Variants in NCOR2 observed in about 807,000 individuals in gnomAD.
The protein encoded by NCOR2 is CTG repeat protein 26.
In NCOR2, 81 loss-of-function variants were observed where a neutral mutation model predicts 262.9. That is an observed-to-expected ratio of 0.31 (90% confidence interval 0.26 to 0.37). The LOEUF is 0.37. Among genes scored for constraint, NCOR2 ranks in the 10% least tolerant of loss-of-function variants. The pLI is 1.00. For missense variants in NCOR2, 3,385 were observed against 3,621.4 expected (o/e 0.93, Z 1.68); for synonymous variants, 1,659 against 1,559.3 (o/e 1.06, Z -1.51).
chr12:124,459,170 A>T (rs2046034601), intron 5 of NCOR2, among the ~76,000 whole-genome samples: 1 of 152,094 alleles, frequency 6.6e-6, no homozygotes, highest in Admixed American at 6.5e-5. Flanking sequence ...GATGAATAGG[A>T]GTTTGTGTAT....
intron 7 of NCOR2, among the ~76,000 whole-genome samples, chr12:124,441,789 G>A (rs927945879): frequency 4.6e-5 from 7 of 152,188 alleles, no homozygotes; most frequent in Non-Finnish European, 8.8e-5. Flanking sequence ...AGGCGACAGC[G>A]GAGACCTAGG....
intron 1 of NCOR2, among the ~76,000 whole-genome samples, chr12:124,493,499 G>C (rs2048206388): frequency 1.3e-5 from 2 of 152,292 alleles, no homozygotes; most frequent in South Asian, 4.1e-4. Context: ...CCACTTTATG[G>C]GTGACAAAAC....
chr12:124,438,025 C>T (rs768591491), intron 7 of NCOR2, 29 bp from the exon 10 acceptor site: 8 of 1,594,356 alleles, frequency 5.0e-6, no homozygotes, highest in South Asian at 4.5e-5. Context: ...GCAGACAGGT[C>T]AGCCCGGCCG....
chr12:124,499,957 G>C (rs151070988), upstream of NCOR2, among the ~76,000 whole-genome samples: 435 of 152,214 alleles, frequency 2.9e-3, 5 homozygotes, highest in African/African-American at 1.0e-2. Flanking sequence ...AGTCAGGAGG[G>C]AGGCTGACTC....
chr12:124,519,089 T>TACACACACACAC (rs57438929), intron 1 of NCOR2, among the ~76,000 whole-genome samples: 18 of 97,314 alleles, frequency 1.8e-4, no homozygotes, highest in East Asian at 1.0e-3. Flanking sequence ...GGCCAAATAA[T>TACACACACACAC]ACACACACAC....
At chr12:124,388,775 A>C (rs1418226144) in intron 16 of NCOR2, 15 of 1,303,202 alleles carry the variant, frequency 1.2e-5, no homozygotes, top group Non-Finnish European at 1.5e-5. Flanking sequence ...GTGGGCCGGC[A>C]GGCTGGGCGG....
intron 31 of NCOR2, 46 bp from the exon 34 acceptor site, chr12:124,344,997 C>A: frequency 6.9e-7 from 1 of 1,440,800 alleles, no homozygotes; most frequent in Non-Finnish European, 9.2e-7. Flanking sequence ...ACAGCCATAG[C>A]CCAGACCAGC....
At chr12:124,516,250 C>T (rs2049767800) in intron 1 of NCOR2, among the ~76,000 whole-genome samples, 1 of 152,178 alleles carries the variant, frequency 6.6e-6, no homozygotes, top group Non-Finnish European at 1.5e-5. Context: ...AGGACGGCTG[C>T]CACCTTCTGC....
At chr12:124,455,699 C>G (rs2045810451) in intron 6 of NCOR2, among the ~76,000 whole-genome samples, 1 of 152,220 alleles carries the variant, frequency 6.6e-6, no homozygotes, top group Admixed American at 6.5e-5. Flanking sequence ...CTAGGTGAGC[C>G]TTTAACAGGC....
chr12:124,386,897 T>C (rs746569319), intron 16 of NCOR2, among the ~76,000 whole-genome samples: 1 of 152,350 alleles, frequency 6.6e-6, no homozygotes, highest in Non-Finnish European at 1.5e-5. Context: ...AGCCAGTCCA[T>C]GCAGGTAGGG....
At chr12:124,490,406 CCAGATGGA>C in intron 1 of NCOR2, among the ~76,000 whole-genome samples, 1 of 118,732 alleles carries the variant, frequency 8.4e-6, no homozygotes, top group Non-Finnish European at 1.8e-5. Context: ...TAAGTATTTG[CCAGATGGA>C]TGGATGGATG....
At chr12:124,422,623 C>T (rs1472085944) in intron 11 of NCOR2, 68 bp from the exon 14 acceptor site, 2 of 1,586,082 alleles carry the variant, frequency 1.3e-6, no homozygotes, top group East Asian at 2.3e-5. Context: ...AGCCGATCGG[C>T]TCCCAGGCGC....
intron 1 of NCOR2, among the ~76,000 whole-genome samples, chr12:124,493,964 GC>G (rs1329172720): frequency 6.6e-6 from 1 of 152,112 alleles, no homozygotes; most frequent in Non-Finnish European, 1.5e-5. Flanking sequence ...CTTTCACAGG[GC>G]CGCCCAGGAG....
intron 1 of NCOR2, among the ~76,000 whole-genome samples, chr12:124,524,116 A>G (rs907120450): frequency 6.6e-6 from 1 of 152,244 alleles, no homozygotes; most frequent in African/African-American, 2.4e-5. Flanking sequence ...TTTAAAAGTC[A>G]CTGCTAAGAA....
intron 13 of NCOR2, among the ~76,000 whole-genome samples, chr12:124,419,294 G>C (rs2043083310): frequency 1.3e-5 from 2 of 152,056 alleles, no homozygotes; most frequent in African/African-American, 2.4e-5. Context: ...TACACTTTTG[G>C]TCACAACCAT....
intron 27 of NCOR2, 139 bp from the exon 30 acceptor site, chr12:124,350,876 G>GTA: frequency 2.2e-6 from 2 of 903,040 alleles, no homozygotes; most frequent in Non-Finnish European, 3.2e-6. Context: ...TCTCAAATAG[G>GTA]TAAGAGTTTG....
Position 124,400,677 on chromosome 12 carries a change from C to T in NCOR2, c.1641-4G>A, listed in dbSNP as rs779860514. 5.6e-6 allele frequency: 9 copies of T among 1,613,806 alleles called. No homozygotes were observed. The highest frequency in any genetic ancestry group is 2.2e-5 in the East Asian group (1 of 44,860). On this transcript the variant is annotated splice_polypyrimidine_tract_variant and splice_region_variant and intron_variant, in intron 14 of 46. Transcript: ENST00000405201. ...TGAGGTGTCGTCTGTCTTCTCCCTA[C>T]AGGCCAGAGAGGGGAGATAGGATGG...
At chr12:124,372,219 G>C (rs544420996) in exon 20 of NCOR2, 2 of 1,601,580 alleles carry the variant, frequency 1.2e-6, no homozygotes, top group Non-Finnish European at 1.7e-6. Flanking sequence ...GCCCCTCCTC[G>C]GCTTCCTCCG....
Position 124,483,981 on chromosome 12 carries a change from C to A in NCOR2, c.234-208G>T, listed in dbSNP as rs926856486. On this transcript the variant is annotated intron_variant, in intron 2 of 46. Transcript: ENST00000405201. The surrounding 1 kb of genome is among the most constrained non-coding windows in gnomAD (Gnocchi z 6.3). ...CTGCCTTCCTTCAGGTCCACATTCACCGAGGACATTTACAGGGAGGGAGTG... is the reference window on the plus strand; with the variant it reads ...CTGCCTTCCTTCAGGTCCACATTCAACGAGGACATTTACAGGGAGGGAGTG... Among the ~76,000 whole-genome samples, 1 of 152,168 alleles carries A rather than the reference C, an allele frequency of 6.6e-6. No homozygotes were observed. The highest frequency in any genetic ancestry group is 6.5e-5 in the Admixed American group (1 of 15,282).
Sources: allele counts gnomAD v4.1 joint callset (sites outside exome capture counted in the v4.1 genomes callset), GRCh38; gene constraint gnomAD v4.1.1; non-coding constraint Gnocchi (gnomAD v3.1); transcripts MANE v1.5; gene names NCBI Gene and HGNC (gene_info 2026-07-23, HGNC 2026-07-21).